GPR161: variants seen among roughly 807,000 people sequenced by gnomAD.
The protein encoded by GPR161 is G protein-coupled receptor 161.
GPR161 carries 25 observed loss-of-function variants against 39.2 expected under a neutral mutation model. The observed-to-expected ratio is 0.64, with a 90% CI of 0.47 to 0.89. GPR161 has a LOEUF of 0.89. Among genes scored for constraint, GPR161 ranks in the 40% least tolerant of loss-of-function variants. The pLI is 0.00. For synonymous variants in GPR161, 286 were observed against 276.6 expected, an observed-to-expected ratio of 1.03 and a Z score of -0.34; for missense variants, 547 against 677.8, an observed-to-expected ratio of 0.81 and a Z score of 2.14.
intron 1 of GPR161, among the ~76,000 whole-genome samples, chr1:168,107,613 C>T (rs557309631): frequency 2.6e-5 from 4 of 152,194 alleles, no homozygotes; most frequent in Non-Finnish European, 4.4e-5. Flanking sequence ...GAAATAAATT[C>T]CTTTTCTTTA....
In GPR161 at chr1:168,083,960, T is replaced by G. The variant is rs1694247737; in HGVS notation, c.*1571A>C. On this transcript the variant is annotated 3_prime_UTR_variant, in exon 6 of 6. Transcript: ENST00000682931. ...CAAGATCTCCTTGGAATCTACCTTC[T>G]GCCAACCAAAGCAGAGAAGTCCTGA... 1 of 152,274 alleles carries G rather than the reference T, an allele frequency of 6.6e-6. No individual in the cohort carries two copies. The highest frequency in any genetic ancestry group is 6.5e-5 in the Admixed American group (1 of 15,282). 9.4% of individuals were successfully genotyped at this position (152,274 alleles called of 1,614,324 possible).
intron 3 of GPR161, among the ~76,000 whole-genome samples, chr1:168,095,027 G>C (rs1401721297): frequency 6.6e-6 from 1 of 152,156 alleles, no homozygotes; most frequent in African/African-American, 2.4e-5. Flanking sequence ...AACACAACTA[G>C]CAATAAGGCA....
intron 1 of GPR161, among the ~76,000 whole-genome samples, chr1:168,119,252 A>ATGTG (rs1697934970): frequency 2.5e-5 from 3 of 119,944 alleles, no homozygotes; most frequent in African/African-American, 1.1e-4. Flanking sequence ...ACACATATAT[A>ATGTG]TATACGTATA....
At chr1:168,090,243 G>T (rs987287166) in intron 4 of GPR161, among the ~76,000 whole-genome samples, 2 of 152,196 alleles carry the variant, frequency 1.3e-5, no homozygotes, top group Non-Finnish European at 2.9e-5. Context: ...GCCCCTCTGG[G>T]TCAGTGGTTA....
rs892596975 is a variant in GPR161, at chr1:168,136,868, C to A, written c.-174G>T. The A allele has an allele frequency of 3.1e-6, 3 of 982,360 alleles. No individual in the cohort carries two copies. The highest frequency in any genetic ancestry group is 3.5e-5 in the African/African-American group (2 of 57,022). 60.9% of individuals were successfully genotyped at this position (982,360 alleles called of 1,614,324 possible). On this transcript the variant is annotated 5_prime_UTR_variant, in exon 1 of 6. Coordinates refer to ENST00000682931, the MANE Select transcript of GPR161 (RefSeq NM_001375883.1). ...GGTTTCGGGTTTCAGCCCACCGAGC[C>A]CCGCTTCGCTCCTCCCGCGGGCCAG... is the stretch of plus-strand genomic sequence containing the variant.
upstream of GPR161, chr1:168,137,236 C>T: frequency 2.0e-6 from 3 of 1,473,548 alleles, no homozygotes; most frequent in Admixed American, 4.5e-5. Context: ...TGTTCCCGTT[C>T]CTCCGCCCCA....
At chr1:168,134,659 T>A (rs1277098605) in intron 1 of GPR161, among the ~76,000 whole-genome samples, 1 of 152,140 alleles carries the variant, frequency 6.6e-6, no homozygotes, top group East Asian at 1.9e-4. Flanking sequence ...TTAAAAAAAA[T>A]GTTTTGAATC....
intron 4 of GPR161, 132 bp from the exon 5 acceptor site, chr1:168,087,836 GCCGCAGCACGTGCCCA>G (rs1694692227): frequency 2.3e-6 from 2 of 864,218 alleles, no homozygotes; most frequent in East Asian, 5.6e-5. Context: ...AGCTGACTGC[GCCGCAGCACGTGCCCA>G]AGAAACACCC....
At chr1:168,102,784 C>CAT (rs1422231325) in intron 2 of GPR161, among the ~76,000 whole-genome samples, 2 of 151,482 alleles carry the variant, frequency 1.3e-5, no homozygotes, top group East Asian at 1.9e-4. Context: ...TTTAGCCTCA[C>CAT]TCCATGTTCC....
At position 168,098,312 on chromosome 1, in the gene GPR161, GAGCTAAGGACTGTAGGCCC is replaced by G. The variant is rs1695750359; in HGVS notation, c.375-1099_375-1081del. Reference sequence around the variant, plus strand: ...CGGGTGGACGGGGCCGGGGCATGCAGAGCTAAGGACTGTAGGCCCAGCTAAGGACTGGCCCTTTAACTGG... The same window carrying G: ...CGGGTGGACGGGGCCGGGGCATGCAGAGCTAAGGACTGGCCCTTTAACTGG... On this transcript the variant is annotated intron_variant, in intron 2 of 5. Transcript: ENST00000682931. The surrounding 1 kb of genome is among the most constrained non-coding windows in gnomAD (Gnocchi z 4.1). Among the ~76,000 whole-genome samples, 1 of 152,330 alleles carries G rather than the reference GAGCTAAGGACTGTAGGCCC, an allele frequency of 6.6e-6. No individual in the cohort carries two copies. Among genetic ancestry groups the G allele is most frequent in the East Asian group, 1.9e-4 (1 of 5,178 alleles).
chr1:168,123,568 ACACACACAC>A (rs1698362940), intron 1 of GPR161, among the ~76,000 whole-genome samples: 1 of 150,916 alleles, frequency 6.6e-6, no homozygotes, highest in African/African-American at 2.4e-5. Context: ...ACACACACAC[ACACACACAC>A]ACTTGTTTGC....
chr1:168,082,153 C>T lies in GPR161; in HGVS notation c.*3378G>A, dbSNP rs577924950. The T allele has an allele frequency of 6.6e-6, 1 of 152,342 alleles. No homozygotes were observed. Among genetic ancestry groups the T allele is most frequent in the East Asian group, 1.9e-4 (1 of 5,190 alleles). The allele number at this position is 152,342 out of a possible 1,614,324, so 9.4% of individuals were successfully genotyped here. A position where few individuals can be genotyped will look rare whatever the true frequency, so the allele number is the denominator to read the frequency against. ...TGTTTACAGAAAGACCACATAGTAGCTCCTCAAATAAGAATCAAGGAACAT... is the reference window on the plus strand; with the variant it reads ...TGTTTACAGAAAGACCACATAGTAGTTCCTCAAATAAGAATCAAGGAACAT... On this transcript the variant is annotated 3_prime_UTR_variant, in exon 6 of 6. Transcript: ENST00000682931.
chr1:168,110,538 GAAAGAAAAGAAAAGA>G (rs56209524), intron 1 of GPR161, among the ~76,000 whole-genome samples: 4,945 of 79,584 alleles, frequency 0.062, 247 homozygotes, highest in South Asian at 0.11. Context: ...GAAAGGAAAG[GAAAGAAAAGAAAAGA>G]AAAGAAAAGA....
intron 3 of GPR161, 113 bp from the exon 4 acceptor site, chr1:168,090,781 A>C: frequency 3.7e-6 from 2 of 544,638 alleles, no homozygotes; most frequent in Non-Finnish European, 6.6e-6. Flanking sequence ...TGCAAAACTC[A>C]CTCTCAACTC....
At chr1:168,096,388 T>C in intron 3 of GPR161, 120 bp downstream of exon 3, 3 of 1,008,028 alleles carry the variant, frequency 3.0e-6, no homozygotes, top group South Asian at 3.2e-5. Context: ...AAAGGAAATC[T>C]GTGCTTTGAG....
chr1:168,125,471 C>T (rs10489208), intron 1 of GPR161, among the ~76,000 whole-genome samples: 16,211 of 152,150 alleles, frequency 0.11, 974 homozygotes, highest in African/African-American at 0.16. Flanking sequence ...CAGACAAATA[C>T]GTTTTATACT....
intron 2 of GPR161, among the ~76,000 whole-genome samples, chr1:168,103,809 T>C (rs1167844163): frequency 6.6e-6 from 1 of 152,212 alleles, no homozygotes; most frequent in Admixed American, 6.5e-5. Context: ...ATGCACTCAT[T>C]TGTGGGAAAC....
intron 5 of GPR161, 86 bp from the exon 6 acceptor site, chr1:168,085,882 C>T (rs2102089811): frequency 8.1e-7 from 1 of 1,240,152 alleles, no homozygotes; most frequent in Non-Finnish European, 1.1e-6. Context: ...GCTCCACCAC[C>T]CCGGGGAGGG....
chr1:168,112,017 C>T (rs4657731), intron 1 of GPR161, among the ~76,000 whole-genome samples: 53,868 of 149,760 alleles, frequency 0.36, 9,834 homozygotes, highest in Admixed American at 0.48. Flanking sequence ...AGGAAAGGAA[C>T]CTTTGCCCTA....
Sources: allele counts gnomAD v4.1 joint callset (sites outside exome capture counted in the v4.1 genomes callset), GRCh38; gene constraint gnomAD v4.1.1; non-coding constraint Gnocchi (gnomAD v3.1); transcripts MANE v1.5; gene names NCBI Gene and HGNC (gene_info 2026-07-23, HGNC 2026-07-21).